NRXN1: variants seen among roughly 807,000 people sequenced by gnomAD.
NRXN1 encodes neurexin 1.
In NRXN1, 39 loss-of-function variants were observed where a neutral mutation model predicts 150.9. The observed-to-expected ratio is 0.26, with a 90% CI of 0.20 to 0.34. The LOEUF is 0.34. Ranked by LOEUF, NRXN1 falls within the 10% of genes least tolerant of loss-of-function variation. The probability of loss-of-function intolerance (pLI) is 1.00; values close to 1 mark genes in which losing one functional copy is unlikely to be tolerated. For synonymous variants in NRXN1, 924 were observed against 757.0 expected (o/e 1.22, Z -3.62); for missense variants, 1,815 against 1,949.9 (o/e 0.93, Z 1.30).
At chr2:50,129,189 G>A (rs1251086409) in intron 18 of NRXN1, among the ~76,000 whole-genome samples, 3 of 136,002 alleles carry the variant, frequency 2.2e-5, no homozygotes, top group Admixed American at 8.1e-5. Flanking sequence ...TGATATTTAT[G>A]TAACTACTAA....
chr2:50,904,496 T>G (rs1305618935), intron 5 of NRXN1, among the ~76,000 whole-genome samples: 1 of 152,096 alleles, frequency 6.6e-6, no homozygotes. Flanking sequence ...TGGAAACTTG[T>G]GAGGGGATGT....
Position 51,027,749 on chromosome 2 carries a change from C to T in NRXN1, c.525G>A (p.Arg175=), listed in dbSNP as rs1297054425. Residue 175 remains arginine (R), a synonymous_variant, in exon 2 of 23, where the codon AGG becomes AGA. Coordinates refer to ENST00000401669, the MANE Select transcript of NRXN1 (RefSeq NM_001330078.2). ...TCCACCCCTTGAAGGGCTCCCGCTCCCTCACCGAGGCCAGGGTGAGCTTGA... is the reference window on the plus strand; with the variant it reads ...TCCACCCCTTGAAGGGCTCCCGCTCTCTCACCGAGGCCAGGGTGAGCTTGA... ...AALKLTLASV[R]EREPFKGWIR... 1.9e-6 allele frequency: 3 copies of T among 1,612,152 alleles called. No homozygotes were observed. Among genetic ancestry groups the T allele is most frequent in the South Asian group, 2.2e-5 (2 of 90,770 alleles).
chr2:49,931,645 A>T (rs1670137355), intron 22 of NRXN1, among the ~76,000 whole-genome samples: 1 of 152,012 alleles, frequency 6.6e-6, no homozygotes, highest in Non-Finnish European at 1.5e-5. Context: ...AGAAAGCCAT[A>T]TAGGCAATAA....
At chr2:50,854,599 T>C (rs920960643) in intron 5 of NRXN1, among the ~76,000 whole-genome samples, 1 of 152,022 alleles carries the variant, frequency 6.6e-6, no homozygotes, top group African/African-American at 2.4e-5. Context: ...CTTATTATAG[T>C]TCGAGGAAAA....
intron 8 of NRXN1, chr2:50,619,328 T>A (rs1214806291): frequency 6.6e-6 from 1 of 152,164 alleles, no homozygotes; most frequent in Non-Finnish European, 1.5e-5. Context: ...TGGAAAATAT[T>A]CATTAAAAAA....
chr2:50,404,814 C>G (rs2082642135), intron 17 of NRXN1, among the ~76,000 whole-genome samples: 2 of 152,048 alleles, frequency 1.3e-5, no homozygotes, highest in Admixed American at 1.3e-4. Context: ...ACTCCCTGCT[C>G]TAGTGGTGAG....
rs150162265 is a variant in NRXN1, at chr2:50,356,330, T to C, written c.3364+109112A>G. Among the ~76,000 whole-genome samples the C allele has an allele frequency of 6.4e-4, 98 of 152,316 alleles. 2 individuals are homozygous for C. In the East Asian group the frequency reaches 0.015, roughly 23 times the overall value. On this transcript the variant is annotated intron_variant, in intron 17 of 22. Transcript: ENST00000401669. ...AATTCAAATTGCACAATTATTCCAA[T>C]AGTTCAAGTCTCTTAGAATATTGAT... is the stretch of plus-strand genomic sequence containing the variant.
At chr2:50,300,837 A>G (rs1284515844) in intron 17 of NRXN1, among the ~76,000 whole-genome samples, 1 of 152,144 alleles carries the variant, frequency 6.6e-6, no homozygotes, top group East Asian at 1.9e-4. Flanking sequence ...CCGGGATTAC[A>G]GGCGCCTGGC....
At chr2:50,436,161 G>A (rs1052577207) in intron 17 of NRXN1, among the ~76,000 whole-genome samples, 14 of 152,082 alleles carry the variant, frequency 9.2e-5, no homozygotes, top group Non-Finnish European at 1.9e-4. Flanking sequence ...ATATAGAAGT[G>A]TTTAACACAA....
chr2:50,166,824 A>C (rs1437174294), intron 18 of NRXN1, among the ~76,000 whole-genome samples: 1 of 152,166 alleles, frequency 6.6e-6, no homozygotes, highest in Non-Finnish European at 1.5e-5. Context: ...TCTGAAAAAA[A>C]ATCTCAGAGG....
chr2:49,939,903 C>T (rs776729067), intron 22 of NRXN1, among the ~76,000 whole-genome samples: 10 of 152,060 alleles, frequency 6.6e-5, no homozygotes, highest in African/African-American at 9.7e-5. Flanking sequence ...TGATAACCCA[C>T]CAAATATATA....
intron 5 of NRXN1, among the ~76,000 whole-genome samples, chr2:50,755,646 G>T (rs1701080263): frequency 6.6e-6 from 1 of 151,772 alleles, no homozygotes; most frequent in African/African-American, 2.4e-5. Flanking sequence ...AGCCATTCTT[G>T]ATTCCTCTCA....
At chr2:50,471,778 C>T (rs62135005) in intron 16 of NRXN1, among the ~76,000 whole-genome samples, 49,453 of 151,438 alleles carry the variant, frequency 0.33, 9,953 homozygotes, top group Middle Eastern at 0.47. Flanking sequence ...ATAACTAATG[C>T]GTACTAGGCT....
chr2:50,925,804 G>C (rs777983548), intron 3 of NRXN1, 134 bp downstream of exon 3: 6 of 707,492 alleles, frequency 8.5e-6, no homozygotes, highest in Admixed American at 6.7e-5. Context: ...TGTATGAAAA[G>C]TGATACACAA....
chr2:50,102,023 G>C (rs1267432072), intron 18 of NRXN1, among the ~76,000 whole-genome samples: 1 of 151,712 alleles, frequency 6.6e-6, no homozygotes, highest in African/African-American at 2.4e-5. Context: ...TGTGTATATG[G>C]GCATAGAAAT....
intron 21 of NRXN1, among the ~76,000 whole-genome samples, chr2:49,967,646 A>G (rs1677188725): frequency 6.6e-6 from 1 of 152,124 alleles, no homozygotes; most frequent in Non-Finnish European, 1.5e-5. Flanking sequence ...TACTGCAAAG[A>G]GTAGATGCAT....
At chr2:50,254,226 T>C (rs1574765373) in intron 17 of NRXN1, among the ~76,000 whole-genome samples, 1 of 151,942 alleles carries the variant, frequency 6.6e-6, no homozygotes, top group East Asian at 1.9e-4. Flanking sequence ...TATACTCTGA[T>C]GGTTGGTTGT....
At chr2:50,352,094 G>T (rs1489782842) in intron 17 of NRXN1, among the ~76,000 whole-genome samples, 1 of 152,128 alleles carries the variant, frequency 6.6e-6, no homozygotes, top group Non-Finnish European at 1.5e-5. Context: ...GACTGTATGT[G>T]CTAAGCTGTC....
At chr2:50,403,510 T>A (rs1381766374) in intron 17 of NRXN1, among the ~76,000 whole-genome samples, 1 of 152,152 alleles carries the variant, frequency 6.6e-6, no homozygotes, top group Non-Finnish European at 1.5e-5. Context: ...TCAGTTGTTA[T>A]CTAGTACATA....
Sources: gnomAD v4.1 joint callset for allele counts (sites outside exome capture counted in the v4.1 genomes callset) on GRCh38, gnomAD v4.1.1 for gene constraint, MANE v1.5 for transcripts, NCBI Gene and HGNC (gene_info 2026-07-23, HGNC 2026-07-21) for gene names.